TMBIM6: variants seen among roughly 807,000 people sequenced by gnomAD.
TMBIM6 encodes bax inhibitor 1.
A neutral mutation model predicts 31.4 loss-of-function variants in TMBIM6; 13 were observed. That is an observed-to-expected ratio of 0.41 (90% CI 0.27 to 0.66). The LOEUF is 0.66. TMBIM6 is among the 30% of genes least tolerant of loss of function. TMBIM6 has a pLI of 0.28. For synonymous variants in TMBIM6, 85 were observed against 101.7 expected, an observed-to-expected ratio of 0.84 and a Z score of 0.99; for missense variants, 275 against 289.5, an observed-to-expected ratio of 0.95 and a Z score of 0.36.
chr12:49,762,923 G>T lies in TMBIM6; in HGVS notation c.*27G>T. On this transcript the variant is annotated 3_prime_UTR_variant, in exon 10 of 10. Coordinates refer to ENST00000267115, the MANE Select transcript of TMBIM6 (RefSeq NM_003217.3). ...GTGACCATCCAGCCTTTCCCAATTA[G>T]ACTTCCTCTCCTTCCACCCCTCATT... 1 of 1,609,656 alleles carries T rather than the reference G, an allele frequency of 6.2e-7. No individual in the cohort carries two copies. Among genetic ancestry groups the T allele is most frequent in the South Asian group, 1.1e-5 (1 of 90,922 alleles).
chr12:49,752,402 T>TC, intron 1 of TMBIM6, 62 bp from the exon 2 acceptor site: 1 of 1,252,496 alleles, frequency 8.0e-7, no homozygotes, highest in Non-Finnish European at 1.1e-6. Flanking sequence ...TTTTTTTTTT[T>TC]TTATAAGCTG....
rs10506287 is a variant in TMBIM6, at chr12:49,762,857, T to C, written c.691-16T>C. On this transcript the variant is annotated splice_polypyrimidine_tract_variant and intron_variant, in intron 9 of 9. Transcript: ENST00000267115. Reference sequence around the variant, plus strand: ...AATGTCAAAAAATTAATTGGGTGATTTTTCTCCATTTCTAGGATAAGAAGA... The same window carrying C: ...AATGTCAAAAAATTAATTGGGTGATCTTTCTCCATTTCTAGGATAAGAAGA... The C allele has an allele frequency of 0.071, 113,781 of 1,610,580 alleles. 4,617 individuals are homozygous for C. The highest frequency in any genetic ancestry group is 0.18 in the African/African-American group (13,360 of 74,868).
At chr12:49,745,178 G>T (rs1945367762) in intron 1 of TMBIM6, among the ~76,000 whole-genome samples, 1 of 152,108 alleles carries the variant, frequency 6.6e-6, no homozygotes, top group Non-Finnish European at 1.5e-5. Context: ...CCTACCTCCT[G>T]GGAGTGGCAG....
Position 49,761,155 on chromosome 12 carries a change from A to G in TMBIM6, c.615-549A>G, listed in dbSNP as rs907502072. Among the ~76,000 whole-genome samples, 44 of 149,324 alleles carry G rather than the reference A, an allele frequency of 2.9e-4. 2 individuals carry two copies. On this transcript the variant is annotated intron_variant, in intron 8 of 9. Coordinates refer to ENST00000267115, the MANE Select transcript of TMBIM6 (RefSeq NM_003217.3). ...TCGGCACTTTTTTTTTAATGTAGTGATTCTCTCAGTCTCATGACTAATTAG... is the reference window on the plus strand; with the variant it reads ...TCGGCACTTTTTTTTTAATGTAGTGGTTCTCTCAGTCTCATGACTAATTAG...
chr12:49,758,359 T>C, intron 5 of TMBIM6, 24 bp from the exon 6 acceptor site: 1 of 1,614,004 alleles, frequency 6.2e-7, no homozygotes, highest in Non-Finnish European at 8.5e-7. Context: ...TAGCCCTTAA[T>C]CTAATGGTCT....
rs560988062 is a variant in TMBIM6, at chr12:49,746,977, A to G, written c.-31+5366A>G. 4.6e-5 allele frequency among the ~76,000 whole-genome samples: 7 copies of G among 152,070 alleles called. No individual in the cohort carries two copies. In the South Asian group the frequency reaches 6.2e-4, roughly 14 times the overall value. On this transcript the variant is annotated intron_variant, in intron 1 of 9. Coordinates refer to ENST00000267115, the MANE Select transcript of TMBIM6 (RefSeq NM_003217.3). ...TAGCCTCCTGAGTAGCTGGGATTAC[A>G]GGCGCCCACCACCACATCTGGCTGA...
chr12:49,756,113 A>G (rs1945587335), intron 4 of TMBIM6, among the ~76,000 whole-genome samples: 1 of 151,188 alleles, frequency 6.6e-6, no homozygotes, highest in African/African-American at 2.4e-5. Flanking sequence ...GATTACAGGC[A>G]TGAGCCACCG....
At chr12:49,755,595 T>C in intron 3 of TMBIM6, 40 bp from the exon 4 acceptor site, 1 of 1,603,258 alleles carries the variant, frequency 6.2e-7, no homozygotes, top group Non-Finnish European at 8.5e-7. Flanking sequence ...AATTTGAAAC[T>C]TTCAAGTGTT....
intron 1 of TMBIM6, among the ~76,000 whole-genome samples, chr12:49,748,900 CAA>C (rs776319604): frequency 1.4e-4 from 21 of 151,992 alleles, no homozygotes; most frequent in Non-Finnish European, 2.5e-4. Flanking sequence ...TTTTTTAAAA[CAA>C]AGATTTTCAT....
intron 1 of TMBIM6, among the ~76,000 whole-genome samples, chr12:49,743,236 A>G (rs1487126837): frequency 6.8e-6 from 1 of 147,838 alleles, no homozygotes; most frequent in East Asian, 1.9e-4. Flanking sequence ...ATTTATTATT[A>G]TTATTATGTT....
chr12:49,744,590 G>C (rs956043833), intron 1 of TMBIM6: 4 of 152,192 alleles, frequency 2.6e-5, no homozygotes, highest in Non-Finnish European at 1.5e-5. Flanking sequence ...TGAGGTTACA[G>C]CACTCTTGAT....
At chr12:49,753,226 A>G (rs1029143627) in intron 3 of TMBIM6, 145 bp downstream of exon 3, 5 of 616,772 alleles carry the variant, frequency 8.1e-6, no homozygotes, top group African/African-American at 5.7e-5. Context: ...AAATCAGGAC[A>G]TGTAAAGCCA....
chr12:49,747,914 A>T (rs749954903), intron 1 of TMBIM6, among the ~76,000 whole-genome samples: 67 of 151,724 alleles, frequency 4.4e-4, no homozygotes, highest in Non-Finnish European at 6.9e-4. Flanking sequence ...TAATTTTTAA[A>T]TTTTTTTTAC....
At chr12:49,749,294 C>G (rs1417032712) in intron 1 of TMBIM6, among the ~76,000 whole-genome samples, 1 of 152,140 alleles carries the variant, frequency 6.6e-6, no homozygotes, top group Non-Finnish European at 1.5e-5. Flanking sequence ...TTTAACATTT[C>G]TGAAATTGTC....
At chr12:49,745,188 G>A (rs1287083222) in intron 1 of TMBIM6, among the ~76,000 whole-genome samples, 1 of 152,060 alleles carries the variant, frequency 6.6e-6, no homozygotes, top group Admixed American at 6.5e-5. Context: ...GGGAGTGGCA[G>A]GGAAAGCATC....
rs796352103 is a variant in TMBIM6 at position 49,760,111 on chromosome 12, C to CAA, written c.614+808_614+809dup. Among the ~76,000 whole-genome samples the CAA allele has an allele frequency of 9.0e-3, 753 of 83,474 alleles. 9 individuals carry two copies. The highest frequency in any genetic ancestry group is 0.024 in the African/African-American group (662 of 27,328). 54.8% of individuals were successfully genotyped at this position (83,474 alleles called of 152,430 possible). ...TGGACGACAGAGCGAGACTCCTTCT[C>CAA]AAAAAAAAAAAAAAAAAAAGTGTTG... On this transcript the variant is annotated intron_variant, in intron 8 of 9. Coordinates refer to ENST00000267115, the MANE Select transcript of TMBIM6 (RefSeq NM_003217.3).
Position 49,756,412 on chromosome 12 carries a change from G to T in TMBIM6, c.286+657G>T, listed in dbSNP as rs113946308. Among the ~76,000 whole-genome samples the T allele has an allele frequency of 6.7e-3, 1,000 of 150,042 alleles. 10 individuals carry two copies. The highest frequency in any genetic ancestry group is 0.023 in the African/African-American group (937 of 40,700). ...GCCTCCCAAAGTGTTAGGATGACAG[G>T]CGTGAGCCATAGTACCCTGCCTCCT... On this transcript the variant is annotated intron_variant, in intron 4 of 9. Coordinates refer to ENST00000267115, the MANE Select transcript of TMBIM6 (RefSeq NM_003217.3).
In TMBIM6 at chr12:49,752,969, T is replaced by C. The variant is rs2136944451; in HGVS notation, c.57-4T>C. 6.2e-7 allele frequency: 1 copy of C among 1,613,254 alleles called. No homozygotes were observed. The highest frequency in any genetic ancestry group is 2.2e-5 in the East Asian group (1 of 44,874). ...GATTGCTCTTATTCACATTCTTTTC[T>C]TAGAACCCCGTCAACGCAGCAGCAC... is the stretch of plus-strand genomic sequence containing the variant. On this transcript the variant is annotated splice_polypyrimidine_tract_variant and splice_region_variant and intron_variant, in intron 2 of 9. Coordinates refer to ENST00000267115, the MANE Select transcript of TMBIM6 (RefSeq NM_003217.3).
chr12:49,742,222 G>T lies in TMBIM6; in HGVS notation c.-31+611G>T. Reference sequence around the variant, plus strand: ...GAAGTGAGAGGAGTCTGGGGCTGGGGCTGCCTTCCAGGCCCACGGGGCGGC... The same window carrying T: ...GAAGTGAGAGGAGTCTGGGGCTGGGTCTGCCTTCCAGGCCCACGGGGCGGC... On this transcript the variant is annotated intron_variant, in intron 1 of 9. Coordinates refer to ENST00000267115, the MANE Select transcript of TMBIM6 (RefSeq NM_003217.3). 1 of 1,613,374 alleles carries T rather than the reference G, an allele frequency of 6.2e-7. No individual in the cohort carries two copies. Among genetic ancestry groups the T allele is most frequent in the Non-Finnish European group, 8.5e-7 (1 of 1,179,574 alleles).
Sources: allele counts gnomAD v4.1 joint callset (sites outside exome capture counted in the v4.1 genomes callset), GRCh38; gene constraint gnomAD v4.1.1; transcripts MANE v1.5; gene names NCBI Gene and HGNC (gene_info 2026-07-23, HGNC 2026-07-21).